The following ZBTB16 variants were observed in gnomAD, a reference collection of about 807,000 sequenced individuals.
ZBTB16 encodes the protein zinc finger and BTB domain-containing protein 16.
In ZBTB16, 8 loss-of-function variants were observed where a neutral mutation model predicts 56.8. The ratio of observed to expected loss-of-function variants is 0.14; its 90% CI spans 0.08 to 0.25. The LOEUF is 0.25. ZBTB16 is among the 10% of genes least tolerant of loss of function. ZBTB16 has a pLI of 1.00. For missense variants in ZBTB16, 625 were observed against 903.0 expected (o/e 0.69, Z 3.95); for synonymous variants, 363 against 368.5 (o/e 0.98, Z 0.17).
chr11:114,245,983 A>C (rs988284032), intron 5 of ZBTB16, among the ~76,000 whole-genome samples: 6 of 152,188 alleles, frequency 3.9e-5, no homozygotes, highest in Non-Finnish European at 7.3e-5. Context: ...CCTGTAATAA[A>C]TAAGTAGCTG....
At chr11:114,160,088 G>T (rs1364450597) in intron 3 of ZBTB16, among the ~76,000 whole-genome samples, 1 of 152,124 alleles carries the variant, frequency 6.6e-6, no homozygotes, top group Non-Finnish European at 1.5e-5. Flanking sequence ...GAGCCGAACG[G>T]CTCTCACTTC....
At chr11:114,221,200 T>A (rs1011471358) in intron 4 of ZBTB16, among the ~76,000 whole-genome samples, 1 of 152,102 alleles carries the variant, frequency 6.6e-6, no homozygotes, top group Non-Finnish European at 1.5e-5. Context: ...ACTGAGTAAA[T>A]AGGAATAATC....
chr11:114,065,994 A>G lies in ZBTB16; in HGVS notation c.1268+1426A>G, dbSNP rs193131493. On this transcript the variant is annotated intron_variant, in intron 2 of 6. Coordinates refer to ENST00000335953, the MANE Select transcript of ZBTB16 (RefSeq NM_006006.6). ...TTCTGTCATAAACCACGTGCCCATC[A>G]TTTTATCCTCTAGTTTCTGGGTCAG... Among the ~76,000 whole-genome samples the G allele has an allele frequency of 1.5e-4, 23 of 152,086 alleles. No individual in the cohort carries two copies. In the East Asian group the frequency reaches 3.9e-3, roughly 26 times the overall value.
At chr11:114,214,784 AG>A (rs1488454112) in intron 4 of ZBTB16, among the ~76,000 whole-genome samples, 1 of 152,146 alleles carries the variant, frequency 6.6e-6, no homozygotes, top group African/African-American at 2.4e-5. Flanking sequence ...TTATATTTTT[AG>A]TAGAGACGGA....
At chr11:114,092,814 G>C (rs558718948) in intron 2 of ZBTB16, among the ~76,000 whole-genome samples, 1 of 152,180 alleles carries the variant, frequency 6.6e-6, no homozygotes, top group East Asian at 1.9e-4. Context: ...TGAGTCTGAA[G>C]AGCCAAAATG....
At chr11:114,062,792 G>A (rs1453956174) in intron 1 of ZBTB16, among the ~76,000 whole-genome samples, 1 of 152,204 alleles carries the variant, frequency 6.6e-6, no homozygotes, top group Non-Finnish European at 1.5e-5. Context: ...GGGGGCTGGC[G>A]TGAAGCTGAC....
At chr11:114,129,759 T>A (rs1457898522) in intron 2 of ZBTB16, among the ~76,000 whole-genome samples, 1 of 152,258 alleles carries the variant, frequency 6.6e-6, no homozygotes, top group African/African-American at 2.4e-5. Context: ...CTGCGCCTCC[T>A]ACATACAGTA....
intron 4 of ZBTB16, among the ~76,000 whole-genome samples, chr11:114,204,900 G>T (rs1943821891): frequency 6.6e-6 from 1 of 152,116 alleles, no homozygotes; most frequent in East Asian, 1.9e-4. Context: ...GCTGGATTTG[G>T]GCAGGTAATT....
At chr11:114,117,576 G>GT (rs1185949721) in intron 2 of ZBTB16, among the ~76,000 whole-genome samples, 2 of 152,114 alleles carry the variant, frequency 1.3e-5, no homozygotes, top group East Asian at 3.9e-4. Flanking sequence ...GACTCCTGAG[G>GT]TTTTGGCTTG....
intron 2 of ZBTB16, among the ~76,000 whole-genome samples, chr11:114,099,472 A>T (rs1940533304): frequency 6.6e-6 from 1 of 152,162 alleles, no homozygotes; most frequent in African/African-American, 2.4e-5. Context: ...TAAAAAAAAA[A>T]AAAGTAGTAA....
chr11:114,205,234 C>G (rs1178154122), intron 4 of ZBTB16, among the ~76,000 whole-genome samples: 1 of 151,946 alleles, frequency 6.6e-6, no homozygotes, highest in African/African-American at 2.4e-5. Flanking sequence ...GTGGTGAAAC[C>G]CCGTCTCTAC....
At chr11:114,084,509 C>T (rs994442222) in intron 2 of ZBTB16, among the ~76,000 whole-genome samples, 2 of 130,992 alleles carry the variant, frequency 1.5e-5, no homozygotes, top group South Asian at 5.5e-4. Flanking sequence ...ATAAGAGCTC[C>T]GGAGGAGGAG....
At chr11:114,109,664 G>A (rs1466239945) in intron 2 of ZBTB16, among the ~76,000 whole-genome samples, 2 of 152,028 alleles carry the variant, frequency 1.3e-5, no homozygotes, top group Admixed American at 6.6e-5. Context: ...AGCAACTTGG[G>A]GGTGGGGGAG....
At chr11:114,173,132 A>G (rs1283398628) in intron 3 of ZBTB16, among the ~76,000 whole-genome samples, 2 of 152,250 alleles carry the variant, frequency 1.3e-5, no homozygotes, top group Admixed American at 1.3e-4. Context: ...AATGAGTGTC[A>G]TTTTTAACCA....
chr11:114,136,256 A>C (rs892244080), intron 2 of ZBTB16, among the ~76,000 whole-genome samples: 5 of 152,140 alleles, frequency 3.3e-5, no homozygotes, highest in African/African-American at 1.2e-4. Context: ...TTCAAGTACT[A>C]TCTCGGCATT....
chr11:114,120,769 A>G (rs530480294), intron 2 of ZBTB16, among the ~76,000 whole-genome samples: 1 of 152,206 alleles, frequency 6.6e-6, no homozygotes, highest in East Asian at 1.9e-4. Context: ...CCTTTGTCAG[A>G]GTCTGCAGGT....
chr11:114,242,417 G>C, intron 5 of ZBTB16, 80 bp downstream of exon 5: 1 of 1,566,674 alleles, frequency 6.4e-7, no homozygotes, highest in Non-Finnish European at 8.6e-7. Flanking sequence ...GTAAAGTGGA[G>C]GTGGTGGGCT....
At chr11:114,108,169 A>G (rs908849773) in intron 2 of ZBTB16, among the ~76,000 whole-genome samples, 1 of 152,072 alleles carries the variant, frequency 6.6e-6, no homozygotes, top group Admixed American at 6.6e-5. Context: ...CGGCAGCCCC[A>G]GATGGTCTTT....
chr11:114,218,573 A>G (rs1338797073), intron 4 of ZBTB16, among the ~76,000 whole-genome samples: 1 of 152,228 alleles, frequency 6.6e-6, no homozygotes, highest in Admixed American at 6.5e-5. Flanking sequence ...TTCTTTTCTC[A>G]TAAAGACTTT....
Sources: gnomAD v4.1 joint callset for allele counts (sites outside exome capture counted in the v4.1 genomes callset) on GRCh38, gnomAD v4.1.1 for gene constraint, MANE v1.5 for transcripts, NCBI Gene and HGNC (gene_info 2026-07-23, HGNC 2026-07-21) for gene names.